The following SPACA9 variants were observed in gnomAD, a reference collection of about 807,000 sequenced individuals.
SPACA9 encodes sperm acrosome-associated protein 9.
SPACA9 carries 14 observed loss-of-function variants against 12.5 expected under a neutral mutation model. The observed-to-expected ratio is 1.12, with a 90% CI of 0.74 to 1.75. The LOEUF is 1.75. Among genes scored for constraint, SPACA9 ranks in the 40% most tolerant of loss-of-function variants. The pLI is 0.00. For missense variants in SPACA9, 292 were observed against 291.9 expected (o/e 1.00, Z 0.00); for synonymous variants, 111 against 114.1 (o/e 0.97, Z 0.17).
At position 132,888,637 on chromosome 9, in the gene SPACA9, G is replaced by A; in HGVS notation, c.*26G>A. On this transcript the variant is annotated 3_prime_UTR_variant, in exon 4 of 4. Transcript: ENST00000356311. This position sits in a 1 kb window ranked among gnomAD's most constrained non-coding sequence, Gnocchi z 5.0. Reference sequence around the variant, plus strand: ...CTCAGAGCCAGGAGCTCCGTCGGCGGAGAGCTTTGCTGTTTAATTTGGATT... The same window carrying A: ...CTCAGAGCCAGGAGCTCCGTCGGCGAAGAGCTTTGCTGTTTAATTTGGATT... 4.0e-6 allele frequency: 6 copies of A among 1,502,750 alleles called. No homozygotes were observed. Among genetic ancestry groups the A allele is most frequent in the Non-Finnish European group, 5.3e-6 (6 of 1,124,536 alleles). 93.1% of individuals were successfully genotyped at this position (1,502,750 alleles called of 1,614,324 possible). A position where few individuals can be genotyped will look rare whatever the true frequency, so the allele number is the denominator to read the frequency against.
At chr9:132,883,434 G>C (rs111957154) in intron 1 of SPACA9, among the ~76,000 whole-genome samples, 1 of 152,186 alleles carries the variant, frequency 6.6e-6, no homozygotes, top group African/African-American at 2.4e-5. Flanking sequence ...TCATCTCCTG[G>C]TTTTATATCC....
chr9:132,883,502 G>A (rs1844478231), intron 1 of SPACA9, among the ~76,000 whole-genome samples: 1 of 152,208 alleles, frequency 6.6e-6, no homozygotes, highest in Admixed American at 6.5e-5. Flanking sequence ...ATTGGAGGGC[G>A]TGTGTGTACA....
intron 2 of SPACA9, among the ~76,000 whole-genome samples, chr9:132,885,512 CAAAAAAAA>C (rs56183351): frequency 4.6e-5 from 3 of 65,562 alleles, no homozygotes; most frequent in African/African-American, 1.8e-4. Context: ...GACCCTGTCT[CAAAAAAAA>C]AAAAAAAAAA....
chr9:132,888,720 A>C lies in SPACA9; in HGVS notation c.*109A>C. On this transcript the variant is annotated 3_prime_UTR_variant, in exon 4 of 4. Coordinates refer to ENST00000356311, the MANE Select transcript of SPACA9 (RefSeq NM_001316897.2). This position sits in a 1 kb window ranked among gnomAD's most constrained non-coding sequence, Gnocchi z 5.0. Reference sequence around the variant, plus strand: ...TGGACCCTGCCACTTACTAACCCCAAGGGAATCAGCCAATATATTACTGAG... The same window carrying C: ...TGGACCCTGCCACTTACTAACCCCACGGGAATCAGCCAATATATTACTGAG... 6.9e-7 allele frequency: 1 copy of C among 1,446,846 alleles called. No homozygotes were observed. Among genetic ancestry groups the C allele is most frequent in the Non-Finnish European group, 9.1e-7 (1 of 1,099,794 alleles). 89.6% of individuals were successfully genotyped at this position (1,446,846 alleles called of 1,614,324 possible).
chr9:132,887,134 T>TGTCTATCCATCCATCCATCCATCC lies in SPACA9; in HGVS notation c.145-235_145-234insGTCTATCCATCCATCCATCCATCC, dbSNP rs200687144. On this transcript the variant is annotated intron_variant, in intron 2 of 3. Coordinates refer to ENST00000356311, the MANE Select transcript of SPACA9 (RefSeq NM_001316897.2). The surrounding 1 kb of genome is among the most constrained non-coding windows in gnomAD (Gnocchi z 5.4). Reference sequence around the variant, plus strand: ...CAACCGATCCATTAATTTCATATCATATCTATCCATCCATCCATCCATCCA... The same window carrying TGTCTATCCATCCATCCATCCATCC: ...CAACCGATCCATTAATTTCATATCATGTCTATCCATCCATCCATCCATCCATCTATCCATCCATCCATCCATCCA... 2.8e-5 allele frequency among the ~76,000 whole-genome samples: 2 copies of TGTCTATCCATCCATCCATCCATCC among 70,458 alleles called. No individual in the cohort carries two copies. The highest frequency in any genetic ancestry group is 6.1e-4 in the South Asian group (1 of 1,648). The allele number at this position is 70,458 out of a possible 152,430, so 46.2% of individuals were successfully genotyped here. A position where few individuals can be genotyped will look rare whatever the true frequency, so the allele number is the denominator to read the frequency against.
Position 132,888,719 on chromosome 9 carries a change from A to G in SPACA9, c.*108A>G. 1 of 1,446,976 alleles carries G rather than the reference A, an allele frequency of 6.9e-7. No individual in the cohort carries two copies. The highest frequency in any genetic ancestry group is 2.5e-5 in the East Asian group (1 of 39,998). The allele number at this position is 1,446,976 out of a possible 1,614,324, so 89.6% of individuals were successfully genotyped here. A position where few individuals can be genotyped will look rare whatever the true frequency, so the allele number is the denominator to read the frequency against. On this transcript the variant is annotated 3_prime_UTR_variant, in exon 4 of 4. Transcript: ENST00000356311. The surrounding 1 kb of genome is among the most constrained non-coding windows in gnomAD (Gnocchi z 5.0). ...ATGGACCCTGCCACTTACTAACCCC[A>G]AGGGAATCAGCCAATATATTACTGA... is the stretch of plus-strand genomic sequence containing the variant.
At chr9:132,881,827 T>A (rs1844436616) in intron 1 of SPACA9, among the ~76,000 whole-genome samples, 1 of 152,120 alleles carries the variant, frequency 6.6e-6, no homozygotes, top group South Asian at 2.1e-4. Flanking sequence ...GTGCCTGGCC[T>A]ATTTTCATCT....
In SPACA9 at chr9:132,887,722, G is replaced by C. The variant is rs2231408; in HGVS notation, c.347+151G>C. ...CTCCACTCATTTATTGGAATGACTC[G>C]GATTCAACAAAACCTTTTCTTTACA... On this transcript the variant is annotated intron_variant, in intron 3 of 3. Coordinates refer to ENST00000356311, the MANE Select transcript of SPACA9 (RefSeq NM_001316897.2). The surrounding 1 kb of genome is among the most constrained non-coding windows in gnomAD (Gnocchi z 5.4). 4.8e-5 allele frequency: 32 copies of C among 663,928 alleles called. No individual in the cohort carries two copies. In the Middle Eastern group the frequency reaches 1.6e-3, roughly 33 times the overall value. 41.1% of individuals were successfully genotyped at this position (663,928 alleles called of 1,614,324 possible).
chr9:132,878,493 G>T (rs1588256010), upstream of SPACA9: 15 of 1,207,342 alleles, frequency 1.2e-5, no homozygotes, highest in South Asian at 6.4e-4. The surrounding 1 kb of genome is among the most constrained non-coding windows in gnomAD (Gnocchi z 4.7). Flanking sequence ...CTTAGCGGGG[G>T]ACACCCTCAG....
At chr9:132,882,391 C>G (rs914868645) in intron 1 of SPACA9, among the ~76,000 whole-genome samples, 2 of 151,910 alleles carry the variant, frequency 1.3e-5, no homozygotes, top group African/African-American at 4.8e-5. Context: ...CTGGTCTGTT[C>G]TTGTGTTTCC....
rs2231410 is a variant in SPACA9 at position 132,889,874 on chromosome 9, C to T, written c.*1263C>T. On this transcript the variant is annotated 3_prime_UTR_variant, in exon 4 of 4. Transcript: ENST00000356311. ...GATGACCTGGTTTTCACAGCGTAGTCGAACCCCAAACATTGTAAAATGTGT... is the reference window on the plus strand; with the variant it reads ...GATGACCTGGTTTTCACAGCGTAGTTGAACCCCAAACATTGTAAAATGTGT... 0.094 allele frequency: 131,438 copies of T among 1,393,768 alleles called. 6,737 individuals carry two copies. Among genetic ancestry groups the T allele is most frequent in the Middle Eastern group, 0.13 (633 of 5,060 alleles). The allele number at this position is 1,393,768 out of a possible 1,614,324, so 86.3% of individuals were successfully genotyped here. A position where few individuals can be genotyped will look rare whatever the true frequency, so the allele number is the denominator to read the frequency against.
intron 2 of SPACA9, among the ~76,000 whole-genome samples, chr9:132,884,935 G>A (rs1844523638): frequency 6.6e-6 from 1 of 151,942 alleles, no homozygotes; most frequent in Non-Finnish European, 1.5e-5. Context: ...CCAACATGGT[G>A]AAACCCTGTC....
intron 1 of SPACA9, among the ~76,000 whole-genome samples, chr9:132,881,116 G>A (rs1206793728): frequency 5.3e-5 from 8 of 151,624 alleles, no homozygotes; most frequent in African/African-American, 1.9e-4. Context: ...GAGCTACCGC[G>A]CCCAGCCAGC....
chr9:132,889,579 T>C lies in SPACA9; in HGVS notation c.*968T>C, dbSNP rs1844689155. 3.0e-6 allele frequency: 1 copy of C among 334,166 alleles called. No homozygotes were observed. Among genetic ancestry groups the C allele is most frequent in the African/African-American group, 2.3e-5 (1 of 44,212 alleles). The allele number at this position is 334,166 out of a possible 1,614,324, so 20.7% of individuals were successfully genotyped here. A position where few individuals can be genotyped will look rare whatever the true frequency, so the allele number is the denominator to read the frequency against. On this transcript the variant is annotated 3_prime_UTR_variant, in exon 4 of 4. Coordinates refer to ENST00000356311, the MANE Select transcript of SPACA9 (RefSeq NM_001316897.2). ...CACCACCCCACCTGGCTAATTTATA[T>C]ATATATATATTTTTTAGTAGAGACG...
At chr9:132,884,209 G>T in intron 2 of SPACA9, 118 bp downstream of exon 2, 2 of 1,033,016 alleles carry the variant, frequency 1.9e-6, no homozygotes, top group East Asian at 5.2e-5. Context: ...TTAGGACCCG[G>T]ACCCAGAACC....
chr9:132,881,103 C>T (rs1311343911), intron 1 of SPACA9, among the ~76,000 whole-genome samples: 2 of 151,786 alleles, frequency 1.3e-5, no homozygotes, highest in South Asian at 2.1e-4. Flanking sequence ...GGATTACAGG[C>T]GTGAGCTACC....
In SPACA9 at chr9:132,887,603, C is replaced by T. The variant is rs746011108; in HGVS notation, c.347+32C>T. ...CCCTCTGATGCTGCTCTTGAGGCCC[C>T]GTGTGTGCCTGTGGGGAGGCCTCTG... On this transcript the variant is annotated intron_variant, in intron 3 of 3. Transcript: ENST00000356311. The surrounding 1 kb of genome is among the most constrained non-coding windows in gnomAD (Gnocchi z 5.4). 25 of 1,582,458 alleles carry T rather than the reference C, an allele frequency of 1.6e-5. No individual in the cohort carries two copies. The highest frequency in any genetic ancestry group is 6.6e-5 in the South Asian group (6 of 90,314).
chr9:132,881,285 GAAAA>G (rs1326698941), intron 1 of SPACA9, among the ~76,000 whole-genome samples: 5 of 96,464 alleles, frequency 5.2e-5, no homozygotes, highest in East Asian at 3.2e-4. Context: ...AAAAAAAAAA[GAAAA>G]AAAAGAAGAA....
At position 132,887,032 on chromosome 9, in the gene SPACA9, G is replaced by A. The variant is rs755955527; in HGVS notation, c.145-337G>A. Among the ~76,000 whole-genome samples, 2 of 151,634 alleles carry A rather than the reference G, an allele frequency of 1.3e-5. No individual in the cohort carries two copies. Among genetic ancestry groups the A allele is most frequent in the South Asian group, 2.1e-4 (1 of 4,796 alleles). On this transcript the variant is annotated intron_variant, in intron 2 of 3. Transcript: ENST00000356311. This position sits in a 1 kb window ranked among gnomAD's most constrained non-coding sequence, Gnocchi z 5.4. ...TCACCATGTTGACCAGGCTGGTCTCGAACTCCTGACCTCAAGTGATCCCCG... is the reference window on the plus strand; with the variant it reads ...TCACCATGTTGACCAGGCTGGTCTCAAACTCCTGACCTCAAGTGATCCCCG...
Sources: gnomAD v4.1 joint callset for allele counts (sites outside exome capture counted in the v4.1 genomes callset) on GRCh38, gnomAD v4.1.1 for gene constraint, Gnocchi (gnomAD v3.1) non-coding constraint, MANE v1.5 for transcripts, NCBI Gene and HGNC (gene_info 2026-07-23, HGNC 2026-07-21) for gene names.